PTPRF: variants seen among roughly 807,000 people sequenced by gnomAD.
The protein encoded by PTPRF is protein tyrosine phosphatase receptor type F.
In PTPRF, 59 loss-of-function variants were observed where a neutral mutation model predicts 201.8. The observed-to-expected ratio is 0.29, with a 90% CI of 0.24 to 0.36. The LOEUF (loss-of-function observed/expected upper bound fraction) is 0.36. PTPRF is among the 10% of genes least tolerant of loss of function. The probability of loss-of-function intolerance (pLI) is 1.00; values close to 1 mark genes in which losing one functional copy is unlikely to be tolerated. For synonymous variants in PTPRF, 1,088 were observed against 1,089.7 expected (o/e 1.00, Z 0.03); for missense variants, 2,132 against 2,690.5 (o/e 0.79, Z 4.59).
At chr1:43,536,844 C>T (rs1033673555) in intron 1 of PTPRF, among the ~76,000 whole-genome samples, 4 of 152,132 alleles carry the variant, frequency 2.6e-5, no homozygotes, top group African/African-American at 9.7e-5. Context: ...TGGCGAGGGC[C>T]ATCTTGGGTC....
intron 22 of PTPRF, among the ~76,000 whole-genome samples, chr1:43,609,801 C>A (rs1053506781): frequency 9.9e-5 from 15 of 152,182 alleles, no homozygotes; most frequent in Non-Finnish European, 1.6e-4. Flanking sequence ...TCCCAGAGCC[C>A]ACGTCTCTGC....
rs1215024111 is a variant in PTPRF, at chr1:43,553,016, G to T, written c.92-476G>T. ...GGAGGAGTCTCGGTTCCTGGCCGGA[G>T]CCCCGGGGTGGATGGTGGTGCCATC... On this transcript the variant is annotated intron_variant, in intron 3 of 33. Transcript: ENST00000359947. The surrounding 1 kb of genome is among the most constrained non-coding windows in gnomAD (Gnocchi z 4.1). Among the ~76,000 whole-genome samples the T allele has an allele frequency of 6.6e-6, 1 of 152,142 alleles. No individual in the cohort carries two copies. Among genetic ancestry groups the T allele is most frequent in the Non-Finnish European group, 1.5e-5 (1 of 68,028 alleles).
Position 43,597,696 on chromosome 1 carries a change from C to T in PTPRF, c.1814-52C>T, listed in dbSNP as rs1309911963. 4.0e-6 allele frequency: 5 copies of T among 1,254,946 alleles called. No homozygotes were observed. In the South Asian group the frequency reaches 4.1e-5, roughly 10 times the overall value. 77.7% of individuals were successfully genotyped at this position (1,254,946 alleles called of 1,614,324 possible). ...GTCCACTGTGACTCAGTCATTGTGC[C>T]TGTGATCCCCACCCTCCATCTGCTT... On this transcript the variant is annotated intron_variant, in intron 11 of 33. Coordinates refer to ENST00000359947, the MANE Select transcript of PTPRF (RefSeq NM_002840.5).
rs1388067870 is a variant in PTPRF, at chr1:43,619,402, G to A, written c.4761G>A (p.Arg1587=). 2 of 1,613,996 alleles carry A rather than the reference G, an allele frequency of 1.2e-6. No individual in the cohort carries two copies. Among genetic ancestry groups the A allele is most frequent in the East Asian group, 2.2e-5 (1 of 44,890 alleles). The stretch of plus-strand genomic sequence containing the variant: ...ACGTGACCTGCATGCGATCACAGAG[G>A]AACTACATGGTGCAGACGGAGGACC... ...YGHVTCMRSQ[R]NYMVQTEDQY... Residue 1587 remains arginine, a synonymous_variant, in exon 28 of 34, where the codon AGG becomes AGA. Coordinates refer to ENST00000359947, the MANE Select transcript of PTPRF (RefSeq NM_002840.5).
chr1:43,542,615 C>CT lies in PTPRF; in HGVS notation c.-45-2415dup, dbSNP rs1644426175. On this transcript the variant is annotated intron_variant, in intron 2 of 33. Coordinates refer to ENST00000359947, the MANE Select transcript of PTPRF (RefSeq NM_002840.5). This position sits in a 1 kb window ranked among gnomAD's most constrained non-coding sequence, Gnocchi z 5.2. ...ACCCCCATGATGGCTCTCCTGGGAG[C>CT]TCTGCCCCCACCATGAAGTCTGTAA... 6.6e-6 allele frequency among the ~76,000 whole-genome samples: 1 copy of CT among 152,078 alleles called. No homozygotes were observed. The highest frequency in any genetic ancestry group is 2.4e-5 in the African/African-American group (1 of 41,394).
At chr1:43,613,777 C>G in intron 23 of PTPRF, 62 bp downstream of exon 23, 1 of 1,409,550 alleles carries the variant, frequency 7.1e-7, no homozygotes, top group Non-Finnish European at 1.0e-6. Flanking sequence ...AGCTCCTGTC[C>G]TGTCCTAGGT....
rs369077025 is a variant in PTPRF, at chr1:43,602,062, C to T, written c.2314-9C>T. On this transcript the variant is annotated splice_polypyrimidine_tract_variant and intron_variant, in intron 13 of 33. Transcript: ENST00000359947. ...CCTGTCTCCCTTTCTCTCCCTCTCC[C>T]GCGGTCAGTGGCGGCCAGAGGAGTC... 31 of 1,612,492 alleles carry T rather than the reference C, an allele frequency of 1.9e-5. No homozygotes were observed. The highest frequency in any genetic ancestry group is 1.9e-5 in the Non-Finnish European group (22 of 1,178,580).
chr1:43,613,169 A>ATC (rs1254497829), intron 22 of PTPRF: 1 of 313,596 alleles, frequency 3.2e-6, no homozygotes, highest in East Asian at 8.3e-5. Flanking sequence ...TGACCACTCC[A>ATC]TCTACACACT....
At position 43,620,846 on chromosome 1, in the gene PTPRF, G is replaced by C. The variant is rs1427661601; in HGVS notation, c.5373G>C (p.Gln1791His). 1.9e-6 allele frequency: 3 copies of C among 1,612,016 alleles called. No homozygotes were observed. Among genetic ancestry groups the C allele is most frequent in the Non-Finnish European group, 2.5e-6 (3 of 1,178,774 alleles). ...CCACCCACCTTTCCCAGGATGGGCA[G>C]TCAAGGACAATCCGGCAGTTCCAGT... Reference protein sequence around the residue: ...EFKVTDARDGQSRTIRQFQFT... With the variant: ...EFKVTDARDGHSRTIRQFQFT... Residue 1791 changes from glutamine to histidine, a missense_variant, in exon 32 of 34, where the codon CAG (glutamine) becomes CAC (histidine). Gln to His is a conservative substitution (Grantham distance 24). This residue lies in a region of PTPRF where 519 missense variants were observed against 659.5 expected (regional missense o/e 0.79). Coordinates refer to ENST00000359947, the MANE Select transcript of PTPRF (RefSeq NM_002840.5).
chr1:43,539,553 T>C (rs1203258469), intron 2 of PTPRF, among the ~76,000 whole-genome samples: 1 of 152,154 alleles, frequency 6.6e-6, no homozygotes, highest in East Asian at 1.9e-4. Context: ...GAAGGAAATG[T>C]GTATGTCCTG....
intron 6 of PTPRF, among the ~76,000 whole-genome samples, chr1:43,572,011 T>C (rs898515445): frequency 6.6e-6 from 1 of 152,250 alleles, no homozygotes; most frequent in African/African-American, 2.4e-5. Flanking sequence ...TTCTACTTTC[T>C]GTGCCCTTGA....
At chr1:43,576,355 T>C (rs1646930023) in intron 6 of PTPRF, among the ~76,000 whole-genome samples, 1 of 152,228 alleles carries the variant, frequency 6.6e-6, no homozygotes, top group South Asian at 2.1e-4. Flanking sequence ...AATTATTACT[T>C]GACTTTCCCT....
At chr1:43,523,967 G>T (rs1159173435), upstream of PTPRF, among the ~76,000 whole-genome samples, 1 of 146,596 alleles carries the variant, frequency 6.8e-6, no homozygotes, top group Non-Finnish European at 1.5e-5. Flanking sequence ...GGAGGCTGAG[G>T]CACAAGAATC....
chr1:43,588,366 C>T lies in PTPRF; in HGVS notation c.680-365C>T, dbSNP rs1649717172. Among the ~76,000 whole-genome samples, 4 of 152,218 alleles carry T rather than the reference C, an allele frequency of 2.6e-5. No individual in the cohort carries two copies. The highest frequency in any genetic ancestry group is 2.6e-4 in the Admixed American group (4 of 15,282). ...GCAGGCAGAGATAGGCCCTGGAGAACACCCTGGGTTGTGGTCCTGACCAGG... is the reference window on the plus strand; with the variant it reads ...GCAGGCAGAGATAGGCCCTGGAGAATACCCTGGGTTGTGGTCCTGACCAGG... On this transcript the variant is annotated intron_variant, in intron 7 of 33. Transcript: ENST00000359947. The surrounding 1 kb of genome is among the most constrained non-coding windows in gnomAD (Gnocchi z 5.3).
intron 23 of PTPRF, 87 bp from the exon 24 acceptor site, chr1:43,617,358 A>G: frequency 6.4e-7 from 1 of 1,561,482 alleles, no homozygotes; most frequent in Non-Finnish European, 8.7e-7. Context: ...GGATGTGAGC[A>G]TCACCGGGAA....
intron 3 of PTPRF, among the ~76,000 whole-genome samples, chr1:43,549,839 G>A (rs1460954048): frequency 1.3e-5 from 2 of 151,746 alleles, no homozygotes; most frequent in African/African-American, 4.8e-5. Flanking sequence ...TCCAACCTGG[G>A]TGACAAAGTG....
At chr1:43,563,883 C>T (rs559513128) in intron 5 of PTPRF, among the ~76,000 whole-genome samples, 4 of 152,020 alleles carry the variant, frequency 2.6e-5, no homozygotes, top group Admixed American at 2.0e-4. Context: ...CAGTGTGGGT[C>T]GGGTGTATGC....
At chr1:43,616,933 G>GGA (rs1011109912) in intron 23 of PTPRF, among the ~76,000 whole-genome samples, 1 of 152,156 alleles carries the variant, frequency 6.6e-6, no homozygotes, top group Non-Finnish European at 1.5e-5. Flanking sequence ...GAAGGGCAGG[G>GGA]GAGAGAGAGG....
At position 43,621,151 on chromosome 1, in the gene PTPRF, C is replaced by T. The variant is rs1659118919; in HGVS notation, c.5574C>T (p.Arg1858=). 6.2e-7 allele frequency: 1 copy of T among 1,614,146 alleles called. No individual in the cohort carries two copies. The highest frequency in any genetic ancestry group is 1.1e-5 in the South Asian group (1 of 91,088). ...TCACTCTGAGCATCGTCCTGGAGCG[C>T]ATGCGCTACGAGGGCGTGGTCGACA... The part of the protein sequence containing the change: ...VFITLSIVLE[R]MRYEGVVDMF... Residue 1858 remains arginine, a synonymous_variant, in exon 33 of 34, where the codon CGC becomes CGT. Transcript: ENST00000359947.
Sources: allele counts gnomAD v4.1 joint callset (sites outside exome capture counted in the v4.1 genomes callset), GRCh38; gene constraint gnomAD v4.1.1; regional missense constraint gnomAD v4.1.1; non-coding constraint Gnocchi (gnomAD v3.1); transcripts MANE v1.5; gene names NCBI Gene and HGNC (gene_info 2026-07-23, HGNC 2026-07-21).